PPP6R3: variants seen among roughly 807,000 people sequenced by gnomAD.
PPP6R3 encodes protein phosphatase 6 regulatory subunit 3, also known as serine/threonine-protein phosphatase 6 regulatory subunit 3.
In PPP6R3, 38 loss-of-function variants were observed where a neutral mutation model predicts 110.7. The observed-to-expected ratio is 0.34, with a 90% CI of 0.26 to 0.45. PPP6R3 has a LOEUF of 0.45. PPP6R3 is among the 20% of genes least tolerant of loss of function. PPP6R3 has a pLI of 1.00. For synonymous variants in PPP6R3, 369 were observed against 373.5 expected, an observed-to-expected ratio of 0.99 and a Z score of 0.14; for missense variants, 870 against 1,062.4, an observed-to-expected ratio of 0.82 and a Z score of 2.52.
At chr11:68,588,593 G>T (rs1045951982) in intron 16 of PPP6R3, among the ~76,000 whole-genome samples, 15 of 151,792 alleles carry the variant, frequency 9.9e-5, no homozygotes, top group South Asian at 4.2e-4. Flanking sequence ...TAGTAGCTGG[G>T]ACTACAGGTA....
At chr11:68,477,772 A>ATATATATATATATATATATATAT (rs2098846270) in intron 1 of PPP6R3, among the ~76,000 whole-genome samples, 5 of 134,748 alleles carry the variant, frequency 3.7e-5, no homozygotes, top group African/African-American at 1.1e-4. Flanking sequence ...ATATATATAT[A>ATATATATATATATATATATATAT]ATTTCCAACT....
At chr11:68,545,086 A>G (rs1186364796) in intron 4 of PPP6R3, 62 bp downstream of exon 4, 1 of 1,302,548 alleles carries the variant, frequency 7.7e-7, no homozygotes, top group African/African-American at 1.5e-5. Flanking sequence ...GTGATCCCCC[A>G]GTACTTGTTG....
chr11:68,487,645 C>G (rs2098956654), intron 1 of PPP6R3, among the ~76,000 whole-genome samples: 1 of 151,372 alleles, frequency 6.6e-6, no homozygotes. Flanking sequence ...TTTTTTGACT[C>G]CCATGTTATT....
At chr11:68,477,741 A>AAAAATATATATATATATAT in intron 1 of PPP6R3, among the ~76,000 whole-genome samples, 6 of 57,906 alleles carry the variant, frequency 1.0e-4, no homozygotes, top group Non-Finnish European at 1.7e-4. Flanking sequence ...AAAAAAAAAA[A>AAAAATATATATATATATAT]ATATATATAT....
At chr11:68,476,959 G>A (rs766664747) in intron 1 of PPP6R3, among the ~76,000 whole-genome samples, 24 of 151,860 alleles carry the variant, frequency 1.6e-4, no homozygotes, top group Non-Finnish European at 2.6e-4. Flanking sequence ...CCAGGAGTTC[G>A]AGGCTGCAGT....
In PPP6R3 at chr11:68,475,069, G is replaced by T. The variant is rs1031821032; in HGVS notation, c.-158+14242G>T. Among the ~76,000 whole-genome samples the T allele has an allele frequency of 2.8e-4, 43 of 152,164 alleles. 2 individuals carry two copies. The highest frequency in any genetic ancestry group is 2.2e-3 in the Admixed American group (33 of 15,284). ...TAGGCAGAGGACCCTGCGGCCCTCT[G>T]CAGTGTTTGTGTCCCTGGGTACTTG... is the stretch of plus-strand genomic sequence containing the variant. On this transcript the variant is annotated intron_variant, in intron 1 of 23. Coordinates refer to ENST00000393800, the MANE Select transcript of PPP6R3 (RefSeq NM_001164161.2).
In PPP6R3 at chr11:68,613,758, GTATT is replaced by G. The variant is rs1944583601; in HGVS notation, c.*646_*649del. The G allele has an allele frequency of 3.6e-6, 3 of 831,972 alleles. No individual in the cohort carries two copies. The highest frequency in any genetic ancestry group is 2.9e-6 in the Non-Finnish European group (2 of 694,474). 51.5% of individuals were successfully genotyped at this position (831,972 alleles called of 1,614,324 possible). On this transcript the variant is annotated 3_prime_UTR_variant, in exon 24 of 24. Transcript: ENST00000393800. ...AGTCTATTGGTAGAGATTAAGTAAA[GTATT>G]TATTGCTACATCATAGTTGATAAAT...
At chr11:68,528,533 A>G (rs2099215358) in intron 2 of PPP6R3, among the ~76,000 whole-genome samples, 1 of 151,916 alleles carries the variant, frequency 6.6e-6, no homozygotes, top group Non-Finnish European at 1.5e-5. Flanking sequence ...TTTCCTTAGA[A>G]GTTATTGAGA....
intron 3 of PPP6R3, among the ~76,000 whole-genome samples, chr11:68,540,215 A>ATT (rs2099305564): frequency 6.6e-6 from 1 of 152,236 alleles, no homozygotes. Flanking sequence ...CGATATTCAC[A>ATT]TAGGTTCTTT....
intron 1 of PPP6R3, among the ~76,000 whole-genome samples, chr11:68,499,369 G>A (rs2099036178): frequency 6.6e-6 from 1 of 152,104 alleles, no homozygotes; most frequent in Non-Finnish European, 1.5e-5. Context: ...CTGTTGGTGG[G>A]AGACCTCAGG....
intron 1 of PPP6R3, among the ~76,000 whole-genome samples, chr11:68,491,610 A>G (rs573073618): frequency 1.3e-5 from 2 of 152,110 alleles, no homozygotes; most frequent in East Asian, 1.9e-4. Context: ...TCAGCCTCCT[A>G]AAGTGTCGGG....
Position 68,612,236 on chromosome 11 carries a change from T to TGTAA in PPP6R3, c.2571-823_2571-820dup, listed in dbSNP as rs150698804. 1.6e-3 allele frequency among the ~76,000 whole-genome samples: 242 copies of TGTAA among 152,318 alleles called. 1 individual carries two copies. In the East Asian group the frequency reaches 0.022, roughly 14 times the overall value. On this transcript the variant is annotated intron_variant, in intron 23 of 23. Coordinates refer to ENST00000393800, the MANE Select transcript of PPP6R3 (RefSeq NM_001164161.2). The stretch of plus-strand genomic sequence containing the variant: ...TCTCATACACGGAGCCACCATCAGA[T>TGTAA]GTAAGTAAGTGAGCAGAGTGGATTG...
chr11:68,590,354 G>T (rs544485941), intron 16 of PPP6R3, among the ~76,000 whole-genome samples: 1 of 152,144 alleles, frequency 6.6e-6, no homozygotes, highest in Non-Finnish European at 1.5e-5. Flanking sequence ...GGTTATATTA[G>T]TATGGCCCAT....
At chr11:68,494,168 G>A (rs962176981) in intron 1 of PPP6R3, among the ~76,000 whole-genome samples, 2 of 150,956 alleles carry the variant, frequency 1.3e-5, no homozygotes, top group African/African-American at 4.9e-5. Flanking sequence ...AAGAAAGGAT[G>A]AATGCTTGAT....
chr11:68,614,508 A>C lies in PPP6R3; in HGVS notation c.*1391A>C. ...TAAAACCAAAAGGATATTCTGAAAAATGGCCAACAATTTTTTTAGAAGTAG... is the reference window on the plus strand; with the variant it reads ...TAAAACCAAAAGGATATTCTGAAAACTGGCCAACAATTTTTTTAGAAGTAG... On this transcript the variant is annotated 3_prime_UTR_variant, in exon 24 of 24. Transcript: ENST00000393800. 1.6e-5 allele frequency: 22 copies of C among 1,415,810 alleles called. No individual in the cohort carries two copies. Among genetic ancestry groups the C allele is most frequent in the Non-Finnish European group, 1.9e-5 (21 of 1,087,196 alleles). 87.7% of individuals were successfully genotyped at this position (1,415,810 alleles called of 1,614,324 possible). A position where few individuals can be genotyped will look rare whatever the true frequency, so the allele number is the denominator to read the frequency against.
intron 12 of PPP6R3, among the ~76,000 whole-genome samples, chr11:68,572,980 C>T (rs939078299): frequency 2.7e-5 from 4 of 150,522 alleles, no homozygotes; most frequent in African/African-American, 4.9e-5. Flanking sequence ...AAAGGCTTTT[C>T]TCTCTCTAAG....
At chr11:68,472,617 GT>G (rs540018058) in intron 1 of PPP6R3, among the ~76,000 whole-genome samples, 209 of 143,512 alleles carry the variant, frequency 1.5e-3, no homozygotes, top group Admixed American at 2.1e-3. Context: ...ATATCTCGGG[GT>G]TTTTTTTTTT....
chr11:68,546,356 G>A (rs1361237743), intron 4 of PPP6R3, among the ~76,000 whole-genome samples: 1 of 152,160 alleles, frequency 6.6e-6, no homozygotes, highest in African/African-American at 2.4e-5. Flanking sequence ...GCTTCATTGT[G>A]CTTTTTCTCC....
At chr11:68,612,029 CAT>C (rs569934104) in intron 23 of PPP6R3, among the ~76,000 whole-genome samples, 14 of 152,324 alleles carry the variant, frequency 9.2e-5, no homozygotes, top group African/African-American at 2.9e-4. Context: ...GTACTTATTT[CAT>C]ATGTATACTA....
Sources: gnomAD v4.1 joint callset for allele counts (sites outside exome capture counted in the v4.1 genomes callset) on GRCh38, gnomAD v4.1.1 for gene constraint, MANE v1.5 for transcripts, NCBI Gene and HGNC (gene_info 2026-07-23, HGNC 2026-07-21) for gene names.